Variants in FAM228B observed in about 807,000 individuals in gnomAD.
The protein encoded by FAM228B is protein FAM228B.
A neutral mutation model predicts 42.6 loss-of-function variants in FAM228B; 38 were observed. The ratio of observed to expected loss-of-function variants is 0.89; its 90% CI spans 0.69 to 1.17. The LOEUF (loss-of-function observed/expected upper bound fraction) is 1.17. Among genes scored for constraint, FAM228B ranks in the 50% most tolerant of loss-of-function variants. FAM228B has a pLI of 0.00. For synonymous variants in FAM228B, 109 were observed against 122.3 expected, an observed-to-expected ratio of 0.89 and a Z score of 0.72; for missense variants, 344 against 367.3, an observed-to-expected ratio of 0.94 and a Z score of 0.52.
At chr2:24,166,023 CAA>C (rs1667394400) in intron 9 of FAM228B, 1 of 101,854 alleles carries the variant, frequency 9.8e-6, no homozygotes, top group South Asian at 3.3e-4. Context: ...GCTTGGGCAA[CAA>C]GAGCAGAACT....
upstream of FAM228B, chr2:24,122,324 C>T (rs1419643458): frequency 3.7e-6 from 3 of 801,792 alleles, no homozygotes; most frequent in African/African-American, 1.9e-5. Context: ...GAAATTCCGT[C>T]TCAAAAAAAA....
At chr2:24,144,490 G>T (rs1573773156) in intron 5 of FAM228B, among the ~76,000 whole-genome samples, 1 of 152,294 alleles carries the variant, frequency 6.6e-6, no homozygotes, top group East Asian at 1.9e-4. Flanking sequence ...AACCAAAATA[G>T]CGAGTAGAAA....
chr2:24,162,012 T>C (rs1667298293), intron 8 of FAM228B, among the ~76,000 whole-genome samples: 1 of 151,454 alleles, frequency 6.6e-6, no homozygotes, highest in African/African-American at 2.4e-5. Context: ...GGCAGGAGAA[T>C]TGTTTGAACC....
intron 7 of FAM228B, among the ~76,000 whole-genome samples, chr2:24,149,811 T>G (rs1666984265): frequency 1.3e-5 from 2 of 152,174 alleles, no homozygotes; most frequent in South Asian, 4.1e-4. Context: ...GTATTGGGAG[T>G]GTGAGCCACT....
chr2:24,101,721 C>G (rs13393069), intron 3 of FAM228B, among the ~76,000 whole-genome samples: 1 of 151,990 alleles, frequency 6.6e-6, no homozygotes, highest in Admixed American at 6.6e-5. Context: ...CTCGCACTTT[C>G]GCCCACGATG....
At position 24,088,460 on chromosome 2, in the gene FAM228B, C is replaced by G. The variant is rs567257556; in HGVS notation, c.-209-6681C>G. 7.9e-5 allele frequency among the ~76,000 whole-genome samples: 12 copies of G among 152,258 alleles called. 2 individuals are homozygous for G. In the South Asian group the frequency reaches 2.3e-3, roughly 29 times the overall value. On this transcript the variant is annotated intron_variant, in intron 2 of 10. Coordinates refer to the FAM228B transcript ENST00000613899. ...CTGTCTCCTGGGTTTACGTGATTCTCCTGCCTCAGCCTCCCAAGTAGCTGG... is the reference window on the plus strand; with the variant it reads ...CTGTCTCCTGGGTTTACGTGATTCTGCTGCCTCAGCCTCCCAAGTAGCTGG...
At chr2:24,149,629 C>G (rs1666979774) in intron 7 of FAM228B, among the ~76,000 whole-genome samples, 1 of 152,132 alleles carries the variant, frequency 6.6e-6, no homozygotes, top group Non-Finnish European at 1.5e-5. Flanking sequence ...GACGGGGTTT[C>G]ACCATATTGG....
intron 5 of FAM228B, among the ~76,000 whole-genome samples, chr2:24,143,328 C>T (rs34870916): frequency 0.19 from 24,652 of 132,956 alleles, 2,201 homozygotes; most frequent in South Asian, 0.24. Flanking sequence ...CTACAGGCGC[C>T]CGCCACCACG....
chr2:24,168,912 C>T (rs1215352056), intron 10 of FAM228B, among the ~76,000 whole-genome samples: 1 of 152,174 alleles, frequency 6.6e-6, no homozygotes, highest in East Asian at 1.9e-4. Flanking sequence ...TTGTTTCCTT[C>T]TGTTTACTCA....
At chr2:24,139,068 A>AT (rs936922282) in intron 4 of FAM228B, among the ~76,000 whole-genome samples, 1 of 152,120 alleles carries the variant, frequency 6.6e-6, no homozygotes, top group Non-Finnish European at 1.5e-5. Flanking sequence ...TTCTTCTAGC[A>AT]TTTTTTTAAA....
chr2:24,119,016 T>A (rs1019878773), upstream of FAM228B, among the ~76,000 whole-genome samples: 1 of 152,208 alleles, frequency 6.6e-6, no homozygotes, highest in Non-Finnish European at 1.5e-5. Flanking sequence ...TAGTTCTCTA[T>A]GAGATCTTTA....
upstream of FAM228B, chr2:24,119,648 A>G (rs1344696212): frequency 6.2e-7 from 1 of 1,613,730 alleles, no homozygotes. Flanking sequence ...CAGAAGATAC[A>G]GATGGGTCTT....
chr2:24,093,512 T>C (rs1186833300), intron 2 of FAM228B, among the ~76,000 whole-genome samples: 1 of 152,238 alleles, frequency 6.6e-6, no homozygotes, highest in Non-Finnish European at 1.5e-5. Context: ...TAGTATTCCA[T>C]GGTGTATATG....
chr2:24,094,174 G>A (rs1345525334), intron 2 of FAM228B, among the ~76,000 whole-genome samples: 2 of 151,504 alleles, frequency 1.3e-5, no homozygotes, highest in Non-Finnish European at 2.9e-5. Context: ...TGAATAACTG[G>A]GCCTTGGCCT....
At position 24,161,712 on chromosome 2, in the gene FAM228B, G is replaced by C. The variant is rs571992904; in HGVS notation, c.794+99G>C. 161 of 759,918 alleles carry C rather than the reference G, an allele frequency of 2.1e-4. No homozygotes were observed. In the African/African-American group the frequency reaches 2.6e-3, roughly 12 times the overall value. 47.1% of individuals were successfully genotyped at this position (759,918 alleles called of 1,614,324 possible). On this transcript the variant is annotated intron_variant, in intron 8 of 10. Transcript: ENST00000615575. ...TTTCATGTTGCTGAGACGGTGCTGA[G>C]GCACACACAAAGCTCCATTGTGGCA...
At chr2:24,103,296 T>G (rs1665641912) in intron 3 of FAM228B, among the ~76,000 whole-genome samples, 1 of 152,192 alleles carries the variant, frequency 6.6e-6, no homozygotes, top group South Asian at 2.1e-4. Context: ...AGTCCTCAAC[T>G]ACAGCAGATC....
At chr2:24,119,507 C>A (rs1232972440), upstream of FAM228B, 1 of 1,130,014 alleles carries the variant, frequency 8.8e-7, no homozygotes, top group Non-Finnish European at 1.3e-6. Context: ...TGAGTTGGAT[C>A]TCTGTTACTC....
At chr2:24,167,723 C>A in intron 10 of FAM228B, 40 bp downstream of exon 10, 1 of 1,549,234 alleles carries the variant, frequency 6.5e-7, no homozygotes, top group Non-Finnish European at 8.7e-7. Flanking sequence ...TCTCCTATTC[C>A]TTACCCCTGT....
rs1028611819 is a variant in FAM228B, at chr2:24,147,063, A to C, written c.663A>C (p.Glu221Asp). 56 of 1,550,630 alleles carry C rather than the reference A, an allele frequency of 3.6e-5. No homozygotes were observed. The highest frequency in any genetic ancestry group is 4.7e-5 in the Non-Finnish European group (54 of 1,146,476). The stretch of plus-strand genomic sequence containing the variant: ...TGAAACTGCCTACAAGATACATAGA[A>C]AGTGAATTTTGTAGAAGGAGAAGGT... ...EWLKLPTRYIESEFCRRRRLK... is the reference protein window; with the variant it reads ...EWLKLPTRYIDSEFCRRRRLK... The change falls in exon 7 of 11, where the codon GAA becomes GAC. Residue 221 changes from glutamate (E) to aspartate (D), a missense_variant. Coordinates refer to ENST00000615575, the MANE Select transcript of FAM228B (RefSeq NM_001145710.2).
Sources: allele counts gnomAD v4.1 joint callset (sites outside exome capture counted in the v4.1 genomes callset), GRCh38; gene constraint gnomAD v4.1.1; transcripts MANE v1.5; gene names NCBI Gene and HGNC (gene_info 2026-07-23, HGNC 2026-07-21).